PTPRQ: variants seen among roughly 807,000 people sequenced by gnomAD.
PTPRQ encodes phosphatidylinositol phosphatase PTPRQ.
Under a neutral mutation model 246.0 loss-of-function variants are expected in PTPRQ, and 199 were observed. The observed-to-expected ratio is 0.81, with a 90% CI of 0.72 to 0.91. The LOEUF (loss-of-function observed/expected upper bound fraction) is 0.91, where lower values mean the gene tolerates loss of function less well. Among genes scored for constraint, PTPRQ ranks in the 40% least tolerant of loss-of-function variants. The probability of loss-of-function intolerance (pLI) is 0.00; values close to 1 mark genes in which losing one functional copy is unlikely to be tolerated. For synonymous variants in PTPRQ, 869 were observed against 853.2 expected (o/e 1.02, Z -0.32); for missense variants, 2,624 against 2,528.4 (o/e 1.04, Z -0.81).
At chr12:80,466,762 T>C (rs1442501881) in intron 6 of PTPRQ, among the ~76,000 whole-genome samples, 2 of 152,160 alleles carry the variant, frequency 1.3e-5, no homozygotes, top group African/African-American at 2.4e-5. Flanking sequence ...GTGGAAAGGA[T>C]TCCCTATTTA....
intron 37 of PTPRQ, among the ~76,000 whole-genome samples, chr12:80,651,272 T>G (rs2121228555): frequency 6.6e-6 from 1 of 152,246 alleles, no homozygotes; most frequent in Non-Finnish European, 1.5e-5. Flanking sequence ...GAAGCTCATA[T>G]TATGGTAAGA....
chr12:80,625,361 A>T (rs1359328838), intron 33 of PTPRQ, among the ~76,000 whole-genome samples: 1 of 152,098 alleles, frequency 6.6e-6, no homozygotes, highest in Non-Finnish European at 1.5e-5. Context: ...TCTAGGTCCC[A>T]TCAAGGTCAT....
intron 23 of PTPRQ, among the ~76,000 whole-genome samples, chr12:80,543,633 A>G (rs569471896): frequency 1.3e-5 from 2 of 152,282 alleles, no homozygotes; most frequent in East Asian, 3.9e-4. Flanking sequence ...CAATATTATG[A>G]GTATTACAAT....
intron 39 of PTPRQ, among the ~76,000 whole-genome samples, chr12:80,665,080 G>A (rs1238965581): frequency 1.3e-5 from 2 of 151,958 alleles, no homozygotes; most frequent in East Asian, 1.9e-4. Flanking sequence ...AAGGAAGCCA[G>A]TCTAAGTCCC....
At chr12:80,449,003 T>C (rs962439910) in intron 3 of PTPRQ, among the ~76,000 whole-genome samples, 1 of 151,674 alleles carries the variant, frequency 6.6e-6, no homozygotes, top group Non-Finnish European at 1.5e-5. Context: ...AGTGTAAAAG[T>C]GTTCCTATTT....
At chr12:80,457,667 T>A (rs902985207) in intron 4 of PTPRQ, 23 bp downstream of exon 4, 8 of 400,164 alleles carry the variant, frequency 2.0e-5, no homozygotes, top group African/African-American at 1.6e-4. Context: ...TCATTTATTT[T>A]AAATTGACTT....
At chr12:80,531,811 A>G (rs1895852032) in intron 17 of PTPRQ, among the ~76,000 whole-genome samples, 1 of 152,196 alleles carries the variant, frequency 6.6e-6, no homozygotes, top group African/African-American at 2.4e-5. Context: ...CAGATGAGGC[A>G]TCTGAAAAAA....
intron 17 of PTPRQ, among the ~76,000 whole-genome samples, chr12:80,533,202 T>G: frequency 6.6e-6 from 1 of 152,112 alleles, no homozygotes; most frequent in Non-Finnish European, 1.5e-5. Flanking sequence ...ACTATACACA[T>G]GTTCATTTTT....
At chr12:80,582,656 A>G (rs1233614364) in intron 25 of PTPRQ, among the ~76,000 whole-genome samples, 1 of 152,182 alleles carries the variant, frequency 6.6e-6, no homozygotes, top group Admixed American at 6.5e-5. Context: ...CAGAACGTTG[A>G]GAAATAAATT....
At chr12:80,542,509 T>C in intron 22 of PTPRQ, 145 bp downstream of exon 22, 2 of 1,333,652 alleles carry the variant, frequency 1.5e-6, no homozygotes, top group Non-Finnish European at 9.8e-7. Flanking sequence ...TTGATTTTTT[T>C]TTGCAATTTG....
rs149574384 is a variant in PTPRQ at position 80,658,119 on chromosome 12, T to C, written c.6192+58T>C. ...ATAAAACATAATTACTGAAATTGTATTATCTTTCCAATTACTTAAAACAAC... is the reference window on the plus strand; with the variant it reads ...ATAAAACATAATTACTGAAATTGTACTATCTTTCCAATTACTTAAAACAAC... On this transcript the variant is annotated intron_variant, in intron 39 of 44. Coordinates refer to ENST00000644991, the MANE Select transcript of PTPRQ (RefSeq NM_001145026.2). 1.1e-3 allele frequency: 1,150 copies of C among 1,092,086 alleles called. 5 individuals are homozygous for C. In the African/African-American group the frequency reaches 0.016, roughly 15 times the overall value. The allele number at this position is 1,092,086 out of a possible 1,614,324, so 67.6% of individuals were successfully genotyped here.
chr12:80,488,943 G>A (rs1894364278), intron 9 of PTPRQ, among the ~76,000 whole-genome samples: 1 of 151,958 alleles, frequency 6.6e-6, no homozygotes, highest in Non-Finnish European at 1.5e-5. Context: ...ACTTATATAT[G>A]TATCTGATCT....
intron 7 of PTPRQ, among the ~76,000 whole-genome samples, chr12:80,471,474 ATT>A (rs1176393485): frequency 2.7e-5 from 2 of 73,196 alleles, no homozygotes; most frequent in Admixed American, 2.1e-4. Context: ...ATTATTTAGC[ATT>A]TTTTTTTTTT....
intron 3 of PTPRQ, among the ~76,000 whole-genome samples, chr12:80,451,078 G>C (rs1892750681): frequency 1.3e-5 from 2 of 152,212 alleles, no homozygotes; most frequent in Admixed American, 1.3e-4. Context: ...TCTATTCAGA[G>C]AGTCAACTTC....
At chr12:80,479,179 C>T (rs867841249) in intron 8 of PTPRQ, among the ~76,000 whole-genome samples, 9 of 151,452 alleles carry the variant, frequency 5.9e-5, no homozygotes, top group Admixed American at 2.6e-4. Flanking sequence ...GCAGATCTCT[C>T]GGCAGAAACC....
rs1565841224 is a variant in PTPRQ at position 80,649,805 on chromosome 12, G to GTTTTGATAGTAATGTTACACTGGGCCGAC, written c.6024+163_6024+164insACTTTTGATAGTAATGTTACACTGGGCCG. On this transcript the variant is annotated intron_variant, in intron 37 of 44. Coordinates refer to ENST00000644991, the MANE Select transcript of PTPRQ (RefSeq NM_001145026.2). ...TCAATACCCAATTACCAGGTTGATT[G>GTTTTGATAGTAATGTTACACTGGGCCGAC]TTTTGATAGTAATGTTACACTGGGC... is the stretch of plus-strand genomic sequence containing the variant. The GTTTTGATAGTAATGTTACACTGGGCCGAC allele has an allele frequency of 1.7e-5, 22 of 1,288,438 alleles. 1 individual carries two copies. In the East Asian group the frequency reaches 2.2e-4, roughly 13 times the overall value. 79.8% of individuals were successfully genotyped at this position (1,288,438 alleles called of 1,614,324 possible). A position where few individuals can be genotyped will look rare whatever the true frequency, so the allele number is the denominator to read the frequency against.
chr12:80,510,402 G>A lies in PTPRQ; in HGVS notation c.2637G>A (p.Leu879=). 1 of 1,550,112 alleles carries A rather than the reference G, an allele frequency of 6.5e-7. No individual in the cohort carries two copies. Among genetic ancestry groups the A allele is most frequent in the Non-Finnish European group, 8.7e-7 (1 of 1,146,038 alleles). Residue 879 remains leucine (L), a synonymous_variant, in exon 17 of 45, where the codon CTG becomes CTA. Transcript: ENST00000644991. ...VTVKLSWQPP[L]EPNGIILYYT... ...TGAAGTTGTCATGGCAACCACCCCT[G>A]GAGCCAAATGGAATTATCCTTTATT...
chr12:80,588,348 A>G lies in PTPRQ; in HGVS notation c.4505A>G (p.Tyr1502Cys), dbSNP rs2121018805. 6.5e-7 allele frequency: 1 copy of G among 1,550,024 alleles called. No individual in the cohort carries two copies. The highest frequency in any genetic ancestry group is 1.2e-5 in the South Asian group (1 of 83,774). ...YEAHLTEETVYGLKKFRWYRF... is the reference protein window; with the variant it reads ...YEAHLTEETVCGLKKFRWYRF... ...GCTCACTTAACTGAAGAGACAGTAT[A>G]TGGATTAAAGAAATTTAGATGGTAT... is the stretch of plus-strand genomic sequence containing the variant. Residue 1502 changes from tyrosine (Y) to cysteine (C), a missense_variant, in exon 26 of 45, where the codon TAT becomes TGT. Transcript: ENST00000644991.
At chr12:80,511,959 A>G (rs1215003852) in intron 17 of PTPRQ, among the ~76,000 whole-genome samples, 1 of 152,232 alleles carries the variant, frequency 6.6e-6, no homozygotes, top group Non-Finnish European at 1.5e-5. Flanking sequence ...GTCAGGGACA[A>G]AAGTGTTAGC....
Sources: gnomAD v4.1 joint callset for allele counts (sites outside exome capture counted in the v4.1 genomes callset) on GRCh38, gnomAD v4.1.1 for gene constraint, MANE v1.5 for transcripts, NCBI Gene and HGNC (gene_info 2026-07-23, HGNC 2026-07-21) for gene names.